SLC60A1: variants seen among roughly 807,000 people sequenced by gnomAD.
The protein encoded by SLC60A1 is solute carrier family 60 member 1, also known as major facilitator superfamily domain containing 4.
the SLC60A1 span, among the ~76,000 whole-genome samples, chr1:205,573,863 A>G: frequency 6.6e-6 from 1 of 151,818 alleles, no homozygotes; most frequent in Non-Finnish European, 1.5e-5. Context: ...ACACCCAGCT[A>G]ATTTTTGTAT....
chr1:205,589,774 C>T, the SLC60A1 span, among the ~76,000 whole-genome samples: 96 of 152,250 alleles, frequency 6.3e-4, 1 homozygote, highest in East Asian at 0.014. Flanking sequence ...TTTAAAAGTG[C>T]ACTCCAGTGT....
At chr1:205,592,568 G>A in the SLC60A1 span, among the ~76,000 whole-genome samples, 1 of 151,492 alleles carries the variant, frequency 6.6e-6, no homozygotes, top group Non-Finnish European at 1.5e-5. Flanking sequence ...GGTGTGTGAT[G>A]TTCCCCTGTG....
At chr1:205,579,902 A>G in the SLC60A1 span, 1 of 1,614,092 alleles carries the variant, frequency 6.2e-7, no homozygotes, top group Admixed American at 1.7e-5. Context: ...CGTGGCCAAC[A>G]TGCAGCTGGT....
At chr1:205,580,958 T>G in the SLC60A1 span, 1 of 1,602,424 alleles carries the variant, frequency 6.2e-7, no homozygotes, top group Non-Finnish European at 8.5e-7. The surrounding 1 kb of genome is among the most constrained non-coding windows in gnomAD (Gnocchi z 5.0). Flanking sequence ...AGGGAGCTAG[T>G]GGACAGTCCA....
At chr1:205,585,966 C>A in the SLC60A1 span, 1 of 1,489,542 alleles carries the variant, frequency 6.7e-7, no homozygotes. The surrounding 1 kb of genome is among the most constrained non-coding windows in gnomAD (Gnocchi z 4.2). Flanking sequence ...CCAGCCTGGG[C>A]TCCCTTTGTG....
At chr1:205,575,986 C>T in the SLC60A1 span, among the ~76,000 whole-genome samples, 1 of 152,196 alleles carries the variant, frequency 6.6e-6, no homozygotes, top group Non-Finnish European at 1.5e-5. Context: ...CAGTTCTACT[C>T]CTCTCTTTTC....
chr1:205,584,562 A>AAAAG, the SLC60A1 span, among the ~76,000 whole-genome samples: 29 of 133,686 alleles, frequency 2.2e-4, no homozygotes, highest in African/African-American at 6.5e-4. Context: ...AAAAAAAAAA[A>AAAAG]AAAAGAAAAT....
chr1:205,600,108 G>C, the SLC60A1 span: 30 of 302,740 alleles, frequency 9.9e-5, no homozygotes, highest in South Asian at 6.9e-4. Flanking sequence ...CACACACACA[G>C]GAGTTTCATT....
chr1:205,594,827 T>A, the SLC60A1 span, among the ~76,000 whole-genome samples: 1 of 152,220 alleles, frequency 6.6e-6, no homozygotes, highest in Non-Finnish European at 1.5e-5. Flanking sequence ...CCTTCTTTGA[T>A]GGGTCTTGGC....
the SLC60A1 span, among the ~76,000 whole-genome samples, chr1:205,583,448 GC>G: frequency 6.6e-6 from 1 of 152,170 alleles, no homozygotes; most frequent in African/African-American, 2.4e-5. Context: ...TTCTGGCTTT[GC>G]CCCAAGTCCA....
the SLC60A1 span, among the ~76,000 whole-genome samples, chr1:205,588,492 A>AG: frequency 0.021 from 2,516 of 117,212 alleles, 143 homozygotes; most frequent in African/African-American, 0.08. Context: ...AAAAAAAAAG[A>AG]AAGAGAAAAT....
At chr1:205,592,368 C>CT in the SLC60A1 span, 4,031 of 403,766 alleles carry the variant, frequency 1.0e-2, 1 homozygote, top group Middle Eastern at 0.02. Flanking sequence ...TCTCTGTGCT[C>CT]TTTTTTTTTT....
the SLC60A1 span, chr1:205,584,220 T>TTA: frequency 2.2e-5 from 14 of 645,242 alleles, no homozygotes; most frequent in African/African-American, 2.4e-4. Flanking sequence ...CACAGGTGAT[T>TTA]TTTTTTTTTT....
At chr1:205,580,534 A>G in the SLC60A1 span, 3 of 1,240,564 alleles carry the variant, frequency 2.4e-6, no homozygotes, top group South Asian at 4.3e-5. The surrounding 1 kb of genome is among the most constrained non-coding windows in gnomAD (Gnocchi z 5.0). Context: ...CAGCCCCTAC[A>G]TGGGGCAGAG....
At chr1:205,602,598 T>C in the SLC60A1 span, 1 of 152,660 alleles carries the variant, frequency 6.6e-6, no homozygotes, top group Non-Finnish European at 1.5e-5. Context: ...TTGGTACATA[T>C]TTATTGCAAG....
At chr1:205,576,098 G>A in the SLC60A1 span, among the ~76,000 whole-genome samples, 2 of 152,306 alleles carry the variant, frequency 1.3e-5, no homozygotes, top group Non-Finnish European at 2.9e-5. Context: ...AGAGTGAGTG[G>A]GGCGGGGGAC....
chr1:205,569,367 C>T, the SLC60A1 span: 1 of 1,121,442 alleles, frequency 8.9e-7, no homozygotes, highest in East Asian at 3.7e-5. Flanking sequence ...GCCGACCCTT[C>T]CCTCCCGCCC....
chr1:205,569,126 C>T, the SLC60A1 span: 4,506 of 1,530,460 alleles, frequency 2.9e-3, 16 homozygotes, highest in South Asian at 6.8e-3. Flanking sequence ...AGCCCACGCT[C>T]ACCTACTGGA....
chr1:205,583,981 GCTGCTGTCCAAGGAGCGGCTGCTGAC>G, the SLC60A1 span: 4 of 1,613,780 alleles, frequency 2.5e-6, no homozygotes, highest in Non-Finnish European at 3.4e-6. Flanking sequence ...CTGTGCTGAT[GCTGCTGTCCAAGGAGCGGCTGCTGAC>G]CTGCTGTCCC....
Sources: gnomAD v4.1 joint callset for allele counts (sites outside exome capture counted in the v4.1 genomes callset) on GRCh38, gnomAD v4.1.1 for gene constraint, Gnocchi (gnomAD v3.1) non-coding constraint, MANE v1.5 for transcripts, NCBI Gene and HGNC (gene_info 2026-07-23, HGNC 2026-07-21) for gene names.